C3orf49: variants seen among roughly 807,000 people sequenced by gnomAD.
C3orf49 encodes the protein putative uncharacterized protein C3orf49.
In C3orf49, 27 loss-of-function variants were observed where a neutral mutation model predicts 13.3. The observed-to-expected ratio is 2.02, with a 90% CI of 1.49 to 2.79. The LOEUF (loss-of-function observed/expected upper bound fraction) is 2.79. Among genes scored for constraint, C3orf49 ranks in the 30% most tolerant of loss-of-function variants. The pLI is 0.00. For synonymous variants in C3orf49, 87 were observed against 47.6 expected, an observed-to-expected ratio of 1.83 and a Z score of -3.40; for missense variants, 242 against 134.2, an observed-to-expected ratio of 1.80 and a Z score of -3.97.
the C3orf49 span, among the ~76,000 whole-genome samples, chr3:63,790,791 G>A: frequency 6.6e-6 from 1 of 151,984 alleles, no homozygotes; most frequent in African/African-American, 2.4e-5. Context: ...GTATCTTCAG[G>A]TTTCCCCAGA....
At chr3:63,835,638 C>A (rs1170324176) in intron 5 of C3orf49, among the ~76,000 whole-genome samples, 1 of 151,968 alleles carries the variant, frequency 6.6e-6, no homozygotes, top group East Asian at 1.9e-4. Flanking sequence ...ATACAGATAA[C>A]AGAATAACAA....
intron 5 of C3orf49, among the ~76,000 whole-genome samples, chr3:63,843,146 T>C (rs1056132867): frequency 6.7e-6 from 1 of 149,780 alleles, no homozygotes; most frequent in Admixed American, 6.7e-5. Flanking sequence ...GGAGACAGAG[T>C]CTCACTCTTT....
upstream of C3orf49, among the ~76,000 whole-genome samples, chr3:63,814,310 T>C (rs1037594331): frequency 2.0e-5 from 3 of 152,126 alleles, no homozygotes; most frequent in Admixed American, 2.0e-4. Context: ...GATTTGAAGT[T>C]CAATAGAATT....
At chr3:63,808,685 G>A in the C3orf49 span, among the ~76,000 whole-genome samples, 1 of 152,096 alleles carries the variant, frequency 6.6e-6, no homozygotes, top group South Asian at 2.1e-4. Flanking sequence ...CAATTTAGTT[G>A]GTCAAGCTTT....
At chr3:63,787,999 C>A in the C3orf49 span, among the ~76,000 whole-genome samples, 3 of 152,142 alleles carry the variant, frequency 2.0e-5, no homozygotes, top group Non-Finnish European at 4.4e-5. Context: ...TGTCAGTGCC[C>A]AAACTTCAGG....
At chr3:63,843,858 G>A (rs1473292833) in intron 5 of C3orf49, among the ~76,000 whole-genome samples, 5 of 151,758 alleles carry the variant, frequency 3.3e-5, no homozygotes, top group African/African-American at 4.8e-5. Context: ...CCGAGATCAC[G>A]CCACTGCACT....
the C3orf49 span, among the ~76,000 whole-genome samples, chr3:63,806,444 T>G: frequency 7.2e-5 from 11 of 152,340 alleles, no homozygotes; most frequent in Admixed American, 7.2e-4. Flanking sequence ...TATAATAATG[T>G]TTTGCAATGT....
At chr3:63,781,753 A>G in the C3orf49 span, among the ~76,000 whole-genome samples, 1 of 152,188 alleles carries the variant, frequency 6.6e-6, no homozygotes, top group Non-Finnish European at 1.5e-5. Flanking sequence ...CAATGATAAG[A>G]GTGGAAATTG....
chr3:63,818,778 G>C (rs1701353864), upstream of C3orf49, among the ~76,000 whole-genome samples: 4 of 152,274 alleles, frequency 2.6e-5, no homozygotes, highest in South Asian at 8.3e-4. Context: ...TCTTCACCAC[G>C]AAATAAATGG....
intron 5 of C3orf49, among the ~76,000 whole-genome samples, chr3:63,837,491 A>T (rs1701659292): frequency 6.6e-6 from 1 of 152,102 alleles, no homozygotes; most frequent in African/African-American, 2.4e-5. Context: ...TAACCTTCTT[A>T]TTAGATATTC....
chr3:63,829,680 G>T (rs1701508307), intron 3 of C3orf49, among the ~76,000 whole-genome samples: 1 of 152,098 alleles, frequency 6.6e-6, no homozygotes, highest in African/African-American at 2.4e-5. Flanking sequence ...ATTTGAATTG[G>T]CTGGGTGTGG....
At chr3:63,841,064 C>G (rs571954620) in intron 5 of C3orf49, among the ~76,000 whole-genome samples, 2 of 152,262 alleles carry the variant, frequency 1.3e-5, no homozygotes, top group Middle Eastern at 6.8e-3. Context: ...GAAACATTCA[C>G]ATAATGTAAT....
intron 2 of C3orf49, among the ~76,000 whole-genome samples, chr3:63,823,951 C>G (rs1234097880): frequency 6.6e-6 from 1 of 152,064 alleles, no homozygotes; most frequent in Non-Finnish European, 1.5e-5. Context: ...CAGGAGCGTG[C>G]CACCACACCC....
At chr3:63,844,979 A>T in intron 5 of C3orf49, 44 bp from the exon 6 acceptor site, 1 of 667,596 alleles carries the variant, frequency 1.5e-6, no homozygotes, top group East Asian at 2.7e-5. Flanking sequence ...ATAAATAAAG[A>T]CAATTGAGAT....
intron 5 of C3orf49, chr3:63,839,692 A>C (rs762509948): frequency 6.2e-7 from 1 of 1,612,498 alleles, no homozygotes; most frequent in Non-Finnish European, 8.5e-7. Flanking sequence ...CCATTTAATG[A>C]AACTCTTCAC....
the C3orf49 span, among the ~76,000 whole-genome samples, chr3:63,812,664 T>C: frequency 6.6e-6 from 1 of 152,210 alleles, no homozygotes; most frequent in African/African-American, 2.4e-5. Context: ...AAGCAAATGG[T>C]TGAATTCATC....
intron 5 of C3orf49, among the ~76,000 whole-genome samples, chr3:63,843,141 CAG>C (rs907576574): frequency 4.0e-5 from 6 of 151,210 alleles, no homozygotes; most frequent in African/African-American, 1.2e-4. Context: ...TGTTTGGAGA[CAG>C]AGTCTCACTC....
intron 6 of C3orf49, among the ~76,000 whole-genome samples, chr3:63,847,013 T>C (rs1701912084): frequency 6.6e-6 from 1 of 152,098 alleles, no homozygotes; most frequent in Admixed American, 6.6e-5. Flanking sequence ...AACAGCAGTT[T>C]CCAAAAATTC....
At chr3:63,809,315 T>C in the C3orf49 span, among the ~76,000 whole-genome samples, 1 of 152,198 alleles carries the variant, frequency 6.6e-6, no homozygotes, top group South Asian at 2.1e-4. Flanking sequence ...GTGAGACCCA[T>C]GTCAGAACTT....
Sources: gnomAD v4.1 joint callset for allele counts (sites outside exome capture counted in the v4.1 genomes callset) on GRCh38, gnomAD v4.1.1 for gene constraint, MANE v1.5 for transcripts, NCBI Gene and HGNC (gene_info 2026-07-23, HGNC 2026-07-21) for gene names.